Variants in PREX2 observed in about 807,000 individuals in gnomAD.
PREX2 encodes phosphatidylinositol 3,4,5-trisphosphate-dependent Rac exchanger 2 protein.
PREX2 carries 107 observed loss-of-function variants against 203.2 expected under a neutral mutation model. The observed-to-expected ratio is 0.53, with a 90% CI of 0.45 to 0.62. The LOEUF (loss-of-function observed/expected upper bound fraction) is 0.62, where lower values mean the gene tolerates loss of function less well. PREX2 is among the 20% of genes least tolerant of loss of function. The probability of loss-of-function intolerance (pLI) is 0.00; values close to 1 mark genes in which losing one functional copy is unlikely to be tolerated. For missense variants in PREX2, 1,777 were observed against 1,955.9 expected (o/e 0.91, Z 1.72); for synonymous variants, 672 against 663.6 (o/e 1.01, Z -0.19).
chr8:68,127,679 T>C (rs1234668197), intron 31 of PREX2, among the ~76,000 whole-genome samples: 14 of 151,808 alleles, frequency 9.2e-5, no homozygotes, highest in Non-Finnish European at 2.1e-4. Context: ...TATATGAATA[T>C]AGATTTAAAC....
intron 1 of PREX2, among the ~76,000 whole-genome samples, chr8:67,996,231 T>G (rs145753661): frequency 0.018 from 2,715 of 152,252 alleles, 58 homozygotes; most frequent in African/African-American, 0.055. Context: ...GGTCTTGCTC[T>G]GTCAGCCATA....
At chr8:68,086,064 C>G (rs527493495) in intron 18 of PREX2, among the ~76,000 whole-genome samples, 1 of 152,138 alleles carries the variant, frequency 6.6e-6, no homozygotes, top group Non-Finnish European at 1.5e-5. Context: ...GAAACTTTGA[C>G]AAACACTGAT....
rs766726957 is a variant in PREX2, at chr8:68,118,652, C to T, written c.3421+8C>T. ...GTGATGAAATGGACTCAGGTGTGTTCGTTGGTGAAGGCCTGTGGGCTTTTT... is the reference window on the plus strand; with the variant it reads ...GTGATGAAATGGACTCAGGTGTGTTTGTTGGTGAAGGCCTGTGGGCTTTTT... On this transcript the variant is annotated splice_region_variant and intron_variant, in intron 27 of 39. Transcript: ENST00000288368. The T allele has an allele frequency of 3.1e-6, 5 of 1,604,104 alleles. No homozygotes were observed. In the South Asian group the frequency reaches 3.3e-5, roughly 11 times the overall value.
At position 68,055,815 on chromosome 8, in the gene PREX2, T is replaced by G. The variant is rs1808660881; in HGVS notation, c.1094-15T>G. ...AGAATTTTCAGTTACCTCTCCTTTCTTTCATTTTTGATAGGTTTAAAATTA... is the reference window on the plus strand; with the variant it reads ...AGAATTTTCAGTTACCTCTCCTTTCGTTCATTTTTGATAGGTTTAAAATTA... On this transcript the variant is annotated splice_polypyrimidine_tract_variant and intron_variant, in intron 9 of 39. Coordinates refer to ENST00000288368, the MANE Select transcript of PREX2 (RefSeq NM_024870.4). 3 of 1,605,846 alleles carry G rather than the reference T, an allele frequency of 1.9e-6. No homozygotes were observed. The highest frequency in any genetic ancestry group is 2.5e-6 in the Non-Finnish European group (3 of 1,177,492).
chr8:68,138,600 G>T, intron 33 of PREX2, 83 bp downstream of exon 33: 1 of 609,830 alleles, frequency 1.6e-6, no homozygotes, highest in African/African-American at 1.9e-5. Context: ...TATTTGATAA[G>T]TATTTTATGA....
intron 34 of PREX2, among the ~76,000 whole-genome samples, chr8:68,150,027 G>A (rs1158951139): frequency 1.3e-5 from 2 of 152,206 alleles, no homozygotes; most frequent in Non-Finnish European, 2.9e-5. Flanking sequence ...AGGAGGAGGT[G>A]TGATCTTAGT....
intron 6 of PREX2, among the ~76,000 whole-genome samples, chr8:68,035,204 G>A (rs938917075): frequency 1.3e-5 from 2 of 152,050 alleles, no homozygotes; most frequent in Admixed American, 6.6e-5. Flanking sequence ...TTTATCTTAT[G>A]TTTGTTTTCA....
At chr8:68,125,835 C>T (rs1445475890) in intron 30 of PREX2, among the ~76,000 whole-genome samples, 1 of 151,996 alleles carries the variant, frequency 6.6e-6, no homozygotes, top group Non-Finnish European at 1.5e-5. Context: ...AGTGTCTCTT[C>T]AGTTTTTCCC....
At chr8:68,045,818 A>T (rs1052645809) in intron 8 of PREX2, among the ~76,000 whole-genome samples, 1 of 152,096 alleles carries the variant, frequency 6.6e-6, no homozygotes, top group African/African-American at 2.4e-5. Context: ...AACATGTGGG[A>T]CCTAGTCGGC....
chr8:68,122,391 A>G (rs1810793380), intron 30 of PREX2, among the ~76,000 whole-genome samples: 1 of 152,094 alleles, frequency 6.6e-6, no homozygotes, highest in Non-Finnish European at 1.5e-5. Flanking sequence ...ATACTTTATA[A>G]CATAATATTT....
At chr8:68,039,102 A>G (rs187316929) in intron 7 of PREX2, among the ~76,000 whole-genome samples, 7 of 152,286 alleles carry the variant, frequency 4.6e-5, no homozygotes, top group Middle Eastern at 3.4e-3. Context: ...TCAAATTTTA[A>G]AAGTCCTTTA....
intron 9 of PREX2, among the ~76,000 whole-genome samples, chr8:68,054,883 C>T (rs1808628960): frequency 6.6e-6 from 1 of 152,208 alleles, no homozygotes; most frequent in Non-Finnish European, 1.5e-5. Context: ...CATTCAGTCA[C>T]TCTCATCAGA....
chr8:68,063,229 A>G (rs1351103926), intron 11 of PREX2, among the ~76,000 whole-genome samples: 1 of 152,234 alleles, frequency 6.6e-6, no homozygotes, highest in East Asian at 1.9e-4. Context: ...TGACCAGGGA[A>G]CTGTGCCTCA....
chr8:67,971,350 T>C (rs1171092985), intron 1 of PREX2, among the ~76,000 whole-genome samples: 2 of 151,794 alleles, frequency 1.3e-5, no homozygotes, highest in African/African-American at 2.4e-5. Context: ...TTGCTGATGC[T>C]TGGACCTCGG....
intron 31 of PREX2, among the ~76,000 whole-genome samples, chr8:68,129,637 A>G (rs1297749794): frequency 2.0e-5 from 3 of 152,052 alleles, no homozygotes; most frequent in Admixed American, 2.0e-4. Flanking sequence ...TGTGTCTAGA[A>G]ACCATCTCAT....
chr8:68,233,994 G>A lies in PREX2; in HGVS notation c.*2616G>A, dbSNP rs1416868655. The A allele has an allele frequency of 1.3e-5, 2 of 152,166 alleles. No homozygotes were observed. The highest frequency in any genetic ancestry group is 4.8e-5 in the African/African-American group (2 of 41,434). 9.4% of individuals were successfully genotyped at this position (152,166 alleles called of 1,614,324 possible). The stretch of plus-strand genomic sequence containing the variant: ...ATGCTTTAATTATATGAAAATTATA[G>A]TGTTTCCTGGACATTTTACAACTCT... On this transcript the variant is annotated 3_prime_UTR_variant, in exon 40 of 40. Transcript: ENST00000288368.
rs750829465 is a variant in PREX2, at chr8:68,109,465, G to A, written c.2988G>A (p.Ala996=). ...TTCAGCACACCATCACAACCATGGC[G>A]GCCCCTTCAGGTCTGTCTCTGGGAC... ...VYIQHTITTM[A]APSGLSLGQQ... The change falls in exon 25 of 40, where the codon GCG becomes GCA. Residue 996 remains alanine (A), a synonymous_variant. Transcript: ENST00000288368. 5.0e-6 allele frequency: 8 copies of A among 1,613,984 alleles called. No homozygotes were observed. Among genetic ancestry groups the A allele is most frequent in the Admixed American group, 1.7e-5 (1 of 60,014 alleles).
rs58916146 is a variant in PREX2 at position 67,999,478 on chromosome 8, C to CAAAAAAAAAAA, written c.142-18361_142-18351dup. Among the ~76,000 whole-genome samples the CAAAAAAAAAAA allele has an allele frequency of 7.1e-4, 65 of 91,982 alleles. 5 individuals carry two copies. The highest frequency in any genetic ancestry group is 8.4e-4 in the Non-Finnish European group (39 of 46,440). 60.3% of individuals were successfully genotyped at this position (91,982 alleles called of 152,430 possible). A position where few individuals can be genotyped will look rare whatever the true frequency, so the allele number is the denominator to read the frequency against. Reference sequence around the variant, plus strand: ...AATCAGTAATAAATAGCCAACAAACCAAAAAAAAAAAAAAAAAGCCCAGAA... The same window carrying CAAAAAAAAAAA: ...AATCAGTAATAAATAGCCAACAAACCAAAAAAAAAAAAAAAAAAAAAAAAAAAAGCCCAGAA... On this transcript the variant is annotated intron_variant, in intron 1 of 39. Coordinates refer to ENST00000288368, the MANE Select transcript of PREX2 (RefSeq NM_024870.4).
intron 39 of PREX2, among the ~76,000 whole-genome samples, chr8:68,228,752 C>T (rs1813102371): frequency 6.7e-6 from 1 of 149,034 alleles, no homozygotes; most frequent in African/African-American, 2.5e-5. Context: ...GACGACAGAG[C>T]GAGACTCCGT....
Sources: gnomAD v4.1 joint callset for allele counts (sites outside exome capture counted in the v4.1 genomes callset) on GRCh38, gnomAD v4.1.1 for gene constraint, MANE v1.5 for transcripts, NCBI Gene and HGNC (gene_info 2026-07-23, HGNC 2026-07-21) for gene names.